The following GRIK2 variants were observed in gnomAD, a reference collection of about 807,000 sequenced individuals.
GRIK2 encodes glutamate ionotropic receptor kainate type subunit 2, also known as glutamate receptor ionotropic, kainate 2.
GRIK2 carries 32 observed loss-of-function variants against 100.3 expected under a neutral mutation model. That is an observed-to-expected ratio of 0.32 (90% CI 0.24 to 0.43). The LOEUF is 0.43. Ranked by LOEUF, GRIK2 falls within the 20% of genes least tolerant of loss-of-function variation. GRIK2 has a pLI of 1.00. For synonymous variants in GRIK2, 417 were observed against 389.4 expected (o/e 1.07, Z -0.83); for missense variants, 843 against 1,114.9 (o/e 0.76, Z 3.47).
chr6:101,435,452 A>G (rs1236678900), intron 2 of GRIK2, among the ~76,000 whole-genome samples: 1 of 150,956 alleles, frequency 6.6e-6, no homozygotes, highest in Non-Finnish European at 1.5e-5. Context: ...GGGAATAGCA[A>G]CCCCCTTCCC....
In GRIK2 at chr6:101,818,427, CCAG is replaced by C; in HGVS notation, c.1263_1265del (p.Ala422del). 1 of 1,611,932 alleles carries C rather than the reference CCAG, an allele frequency of 6.2e-7. No homozygotes were observed. The highest frequency in any genetic ancestry group is 8.5e-7 in the Non-Finnish European group (1 of 1,178,156). On this transcript the variant is annotated inframe_deletion, in exon 10 of 17. Transcript: ENST00000369134. ...TATGACAGAAAGTCAAAAGGGAAAG[CCAG>C]CGAACATCACAGATTCCTTATCCAA...
chr6:101,572,277 C>T (rs975534712), intron 2 of GRIK2, among the ~76,000 whole-genome samples: 3 of 152,072 alleles, frequency 2.0e-5, no homozygotes, highest in African/African-American at 2.4e-5. Flanking sequence ...TGGTGCTTAA[C>T]GGGTACTTTT....
chr6:102,052,226 T>G (rs533790762), intron 15 of GRIK2, among the ~76,000 whole-genome samples: 1 of 152,330 alleles, frequency 6.6e-6, no homozygotes, highest in African/African-American at 2.4e-5. Flanking sequence ...CATTTTTAAT[T>G]ACTTGTCCTT....
intron 8 of GRIK2, among the ~76,000 whole-genome samples, chr6:101,800,884 A>G (rs1233342876): frequency 6.6e-6 from 1 of 152,054 alleles, no homozygotes; most frequent in Non-Finnish European, 1.5e-5. Flanking sequence ...AAGCAGTTGT[A>G]TGACATTCCC....
intron 2 of GRIK2, among the ~76,000 whole-genome samples, chr6:101,534,371 CTT>C (rs903415671): frequency 1.3e-5 from 2 of 151,830 alleles, no homozygotes; most frequent in Non-Finnish European, 2.9e-5. Context: ...AAGTAAATAA[CTT>C]TTTAAGTTAT....
At chr6:101,535,915 A>G (rs1281888140) in intron 2 of GRIK2, among the ~76,000 whole-genome samples, 3 of 151,864 alleles carry the variant, frequency 2.0e-5, no homozygotes, top group South Asian at 2.1e-4. Flanking sequence ...TTAGCAAGCC[A>G]TGCTTCAGAG....
intron 11 of GRIK2, among the ~76,000 whole-genome samples, chr6:101,877,891 G>A (rs868170249): frequency 1.5e-4 from 23 of 151,188 alleles, no homozygotes; most frequent in Middle Eastern, 6.8e-3. Flanking sequence ...GAATGACTTG[G>A]GAATCAGCCA....
chr6:101,739,970 TA>T (rs1226596941), intron 7 of GRIK2, among the ~76,000 whole-genome samples: 5 of 152,214 alleles, frequency 3.3e-5, no homozygotes, highest in African/African-American at 1.2e-4. Context: ...ATTGTTTTCG[TA>T]GTTGCTCACC....
intron 7 of GRIK2, among the ~76,000 whole-genome samples, chr6:101,715,940 A>C (rs953429712): frequency 6.6e-6 from 1 of 151,802 alleles, no homozygotes; most frequent in African/African-American, 2.4e-5. Context: ...GTTAGTCAAG[A>C]GACAAAAACA....
chr6:101,843,764 G>C (rs1239837467), intron 10 of GRIK2, among the ~76,000 whole-genome samples: 1 of 152,164 alleles, frequency 6.6e-6, no homozygotes, highest in African/African-American at 2.4e-5. Flanking sequence ...ATTTCTGGGG[G>C]TAAGGCCCAG....
intron 10 of GRIK2, among the ~76,000 whole-genome samples, chr6:101,857,973 T>C (rs1205454100): frequency 6.6e-6 from 1 of 152,176 alleles, no homozygotes; most frequent in African/African-American, 2.4e-5. Context: ...CTCAGGGCTT[T>C]TTACCATGCT....
chr6:101,863,540 C>T (rs1784863239), intron 11 of GRIK2, among the ~76,000 whole-genome samples: 2 of 152,174 alleles, frequency 1.3e-5, no homozygotes, highest in South Asian at 4.1e-4. Flanking sequence ...AATTCTTTGT[C>T]CTTTCATCTT....
intron 2 of GRIK2, among the ~76,000 whole-genome samples, chr6:101,591,025 T>C (rs1266597801): frequency 1.3e-5 from 2 of 152,014 alleles, no homozygotes. Flanking sequence ...AAGAGGATGC[T>C]TTTGGACACC....
chr6:101,901,994 T>C (rs1787876444), intron 12 of GRIK2, among the ~76,000 whole-genome samples: 1 of 151,402 alleles, frequency 6.6e-6, no homozygotes, highest in African/African-American at 2.4e-5. Context: ...TTAAATAATG[T>C]CGAGCAATTC....
At chr6:101,593,519 C>T (rs1389059879) in intron 2 of GRIK2, among the ~76,000 whole-genome samples, 1 of 151,806 alleles carries the variant, frequency 6.6e-6, no homozygotes, top group Non-Finnish European at 1.5e-5. Flanking sequence ...AAAACTAAAG[C>T]CCAGCTGCTT....
chr6:101,934,185 A>C (rs1790475494), intron 14 of GRIK2, among the ~76,000 whole-genome samples: 1 of 151,886 alleles, frequency 6.6e-6, no homozygotes, highest in African/African-American at 2.4e-5. Context: ...TAACGGCTAT[A>C]ACCAAGGAAT....
intron 14 of GRIK2, among the ~76,000 whole-genome samples, chr6:102,005,703 C>T (rs948742455): frequency 4.6e-5 from 7 of 152,076 alleles, no homozygotes; most frequent in African/African-American, 1.7e-4. Flanking sequence ...TACGCCAAAC[C>T]TCAAACGTAA....
chr6:101,906,222 C>T (rs1205182927), intron 12 of GRIK2, among the ~76,000 whole-genome samples: 3 of 151,664 alleles, frequency 2.0e-5, no homozygotes, highest in Non-Finnish European at 4.4e-5. Context: ...GAAAGCTTGA[C>T]TGTAGTGATA....
intron 14 of GRIK2, among the ~76,000 whole-genome samples, chr6:101,941,910 G>T (rs528040603): frequency 5.9e-5 from 9 of 151,960 alleles, no homozygotes; most frequent in African/African-American, 2.2e-4. Flanking sequence ...AATACTTTGG[G>T]TACATTTTTT....
Sources: gnomAD v4.1 joint callset for allele counts (sites outside exome capture counted in the v4.1 genomes callset) on GRCh38, gnomAD v4.1.1 for gene constraint, MANE v1.5 for transcripts, NCBI Gene and HGNC (gene_info 2026-07-23, HGNC 2026-07-21) for gene names.